PRC1: variants seen among roughly 807,000 people sequenced by gnomAD.
PRC1 encodes protein regulator of cytokinesis 1, also known as anaphase spindle elongation 1 homolog.
PRC1 carries 54 observed loss-of-function variants against 91.2 expected under a neutral mutation model. That is an observed-to-expected ratio of 0.59 (90% CI 0.48 to 0.74). PRC1 has a LOEUF of 0.74. Ranked by LOEUF, PRC1 falls within the 30% of genes least tolerant of loss-of-function variation. The probability of loss-of-function intolerance (pLI) is 0.00; values close to 1 mark genes in which losing one functional copy is unlikely to be tolerated. For missense variants in PRC1, 727 were observed against 746.2 expected (o/e 0.97, Z 0.30); for synonymous variants, 275 against 263.6 (o/e 1.04, Z -0.42).
chr15:90,981,121 AGAG>A, intron 5 of PRC1, 88 bp from the exon 6 acceptor site: 1 of 1,539,656 alleles, frequency 6.5e-7, no homozygotes, highest in Non-Finnish European at 8.8e-7. Flanking sequence ...TGTCTGGAGT[AGAG>A]GAGGAGGCAC....
intron 8 of PRC1, among the ~76,000 whole-genome samples, chr15:90,977,878 A>T (rs2038868473): frequency 6.6e-6 from 1 of 151,994 alleles, no homozygotes; most frequent in Non-Finnish European, 1.5e-5. Context: ...GAGCCACCAC[A>T]CACACCTGGC....
Position 90,981,968 on chromosome 15 carries a change from G to A in PRC1, c.281C>T (p.Thr94Met), listed in dbSNP as rs1232552039. Residue 94 changes from threonine to methionine, a missense_variant, in exon 4 of 15, where the codon ACG becomes ATG. Coordinates refer to ENST00000394249, the MANE Select transcript of PRC1 (RefSeq NM_003981.4). ...ATCTTTTTCTAGTTGCAAGATGGTC[G>A]TCTCTCCTTCTTCCTGAATAAGACA... ...HVEPFQEEGE[T>M]TILQLEKDLR... The A allele has an allele frequency of 1.2e-6, 2 of 1,613,782 alleles. No individual in the cohort carries two copies. Among genetic ancestry groups the A allele is most frequent in the Non-Finnish European group, 1.7e-6 (2 of 1,179,800 alleles).
rs988518496 is a variant in PRC1 at position 90,974,896 on chromosome 15, C to T, written c.1204-165G>A. ...AGGTCAGAGTGACCAGAAATCAAAG[C>T]CCGGAGACATTTCATTCACACAACA... On this transcript the variant is annotated intron_variant, in intron 9 of 14. Coordinates refer to ENST00000394249, the MANE Select transcript of PRC1 (RefSeq NM_003981.4). The surrounding 1 kb of genome is among the most constrained non-coding windows in gnomAD (Gnocchi z 4.6). Among the ~76,000 whole-genome samples the T allele has an allele frequency of 6.6e-5, 10 of 152,156 alleles. No individual in the cohort carries two copies. The highest frequency in any genetic ancestry group is 5.9e-4 in the Admixed American group (9 of 15,270).
intron 7 of PRC1, 83 bp from the exon 8 acceptor site, chr15:90,979,377 G>A (rs2039000295): frequency 7.0e-7 from 1 of 1,429,612 alleles, no homozygotes; most frequent in Admixed American, 2.0e-5. Flanking sequence ...TCCCTAAAAT[G>A]GAAATAGATT....
chr15:90,982,462 T>C (rs1327644700), intron 3 of PRC1, among the ~76,000 whole-genome samples: 2 of 152,088 alleles, frequency 1.3e-5, no homozygotes, highest in South Asian at 2.1e-4. Flanking sequence ...AATGTGTAAA[T>C]TGGCAGCCAG....
Position 90,968,835 on chromosome 15 carries a change from A to G in PRC1, c.1791+244T>C, listed in dbSNP as rs181159712. 8.6e-5 allele frequency: 113 copies of G among 1,321,298 alleles called. No homozygotes were observed. In the African/African-American group the frequency reaches 1.6e-3, roughly 18 times the overall value. The allele number at this position is 1,321,298 out of a possible 1,614,324, so 81.8% of individuals were successfully genotyped here. ...GGGGAGGGTCAAGGTTTTCTGTTAA[A>G]CGTGATTTAAAACTGTGCCTGACTT... On this transcript the variant is annotated intron_variant, in intron 14 of 14. Transcript: ENST00000394249.
rs1377435613 is a variant in PRC1 at position 90,974,025 on chromosome 15, CTG to C, written c.1461+109_1461+110del. The C allele has an allele frequency of 1.2e-6, 1 of 847,026 alleles. No individual in the cohort carries two copies. Among genetic ancestry groups the C allele is most frequent in the African/African-American group, 1.7e-5 (1 of 59,096 alleles). 52.5% of individuals were successfully genotyped at this position (847,026 alleles called of 1,614,324 possible). A position where few individuals can be genotyped will look rare whatever the true frequency, so the allele number is the denominator to read the frequency against. ...TTCTTTTCTCTGTCTCTTGTCCCACCTGATGAGAAATACCCACAGGTGTGGAG... is the reference window on the plus strand; with the variant it reads ...TTCTTTTCTCTGTCTCTTGTCCCACCATGAGAAATACCCACAGGTGTGGAG... On this transcript the variant is annotated intron_variant, in intron 11 of 14. Coordinates refer to ENST00000394249, the MANE Select transcript of PRC1 (RefSeq NM_003981.4). This position sits in a 1 kb window ranked among gnomAD's most constrained non-coding sequence, Gnocchi z 4.6.
At chr15:90,968,910 T>C in intron 14 of PRC1, 169 bp downstream of exon 14, 1 of 1,430,530 alleles carries the variant, frequency 7.0e-7, no homozygotes, top group Non-Finnish European at 9.2e-7. Context: ...TTAATTAATC[T>C]GTTGTGAATG....
rs1309628593 is a variant in PRC1, at chr15:90,984,946, A to G, written c.12-121T>C. The G allele has an allele frequency of 4.7e-6, 6 of 1,274,180 alleles. No individual in the cohort carries two copies. The highest frequency in any genetic ancestry group is 6.5e-6 in the Non-Finnish European group (6 of 921,942). 78.9% of individuals were successfully genotyped at this position (1,274,180 alleles called of 1,614,324 possible). A position where few individuals can be genotyped will look rare whatever the true frequency, so the allele number is the denominator to read the frequency against. ...GGCCTCGAGAAAAAAACAAATTGAA[A>G]ACAAGCATTCAGCTTAATTCACCTT... On this transcript the variant is annotated intron_variant, in intron 1 of 14. Coordinates refer to ENST00000394249, the MANE Select transcript of PRC1 (RefSeq NM_003981.4). The surrounding 1 kb of genome is among the most constrained non-coding windows in gnomAD (Gnocchi z 5.1).
intron 14 of PRC1, 125 bp downstream of exon 14, chr15:90,968,954 G>T: frequency 6.6e-7 from 1 of 1,523,704 alleles, no homozygotes; most frequent in Non-Finnish European, 8.8e-7. Context: ...TCCATGATAG[G>T]AATTCCTGCT....
At chr15:90,983,499 G>A (rs910828947) in intron 3 of PRC1, among the ~76,000 whole-genome samples, 1 of 152,178 alleles carries the variant, frequency 6.6e-6, no homozygotes, top group African/African-American at 2.4e-5. Flanking sequence ...CCAGATGGAT[G>A]TCATGGCATG....
Position 90,974,652 on chromosome 15 carries a change from A to G in PRC1, c.1283T>C (p.Phe428Ser), listed in dbSNP as rs1176873868. ...SKAFMVNGQK[F>S]MEYVAEQWEM... ...CCATTGTTCTGCCACATACTCCATG[A>G]ATTTCTGCCCATTCACCATAAATGC... is the stretch of plus-strand genomic sequence containing the variant. The change falls in exon 10 of 15, where the codon TTC (phenylalanine) becomes TCC (serine). Residue 428 changes from phenylalanine (F) to serine (S), a missense_variant. By Grantham distance (155) the Phe-to-Ser change is radical. Coordinates refer to ENST00000394249, the MANE Select transcript of PRC1 (RefSeq NM_003981.4). This position sits in a 1 kb window ranked among gnomAD's most constrained non-coding sequence, Gnocchi z 4.6. The G allele has an allele frequency of 5.4e-5, 87 of 1,614,070 alleles. No individual in the cohort carries two copies. The highest frequency in any genetic ancestry group is 6.9e-5 in the Non-Finnish European group (82 of 1,180,038).
At chr15:90,968,454 A>C (rs144254909) in intron 14 of PRC1, 13,859 of 985,530 alleles carry the variant, frequency 0.014, 112 homozygotes, top group Non-Finnish European at 0.015. Flanking sequence ...TGCTAGTAAA[A>C]TATTGAGAGA....
At chr15:90,985,574 T>C (rs2039516997) in intron 1 of PRC1, among the ~76,000 whole-genome samples, 1 of 151,028 alleles carries the variant, frequency 6.6e-6, no homozygotes, top group African/African-American at 2.4e-5. Context: ...CTTTTTTTTT[T>C]TTGAGACAGA....
rs78996369 is a variant in PRC1, at chr15:90,987,068, G to C, written c.12-2243C>G. ...GCAGGAAAACTGTTTGAGCCCAGGA[G>C]TTTCAGATCATTCTGGGCAACATAG... is the stretch of plus-strand genomic sequence containing the variant. On this transcript the variant is annotated intron_variant, in intron 1 of 14. Coordinates refer to ENST00000394249, the MANE Select transcript of PRC1 (RefSeq NM_003981.4). Among the ~76,000 whole-genome samples, 850 of 146,104 alleles carry C rather than the reference G, an allele frequency of 5.8e-3. 16 individuals are homozygous for C. The highest frequency in any genetic ancestry group is 0.021 in the African/African-American group (807 of 39,132).
intron 14 of PRC1, chr15:90,968,467 A>T: frequency 2.0e-6 from 2 of 985,650 alleles, no homozygotes; most frequent in Non-Finnish European, 2.4e-6. Flanking sequence ...TTGAGAGAAG[A>T]AATCACAGAT....
chr15:90,967,259 C>T (rs1184110886), intron 14 of PRC1, 57 bp from the exon 15 acceptor site: 10 of 1,458,960 alleles, frequency 6.9e-6, no homozygotes, highest in Non-Finnish European at 9.6e-6. Flanking sequence ...CATGGCCCAC[C>T]CTTCTAAGTT....
Position 90,969,643 on chromosome 15 carries a change from A to T in PRC1, c.1573-20T>A, listed in dbSNP as rs1353278100. ...GACTGGCTGCAGAGAAAGGAAAGAGATCCATGTATCATCCTTCTAATGAAC... is the reference window on the plus strand; with the variant it reads ...GACTGGCTGCAGAGAAAGGAAAGAGTTCCATGTATCATCCTTCTAATGAAC... On this transcript the variant is annotated intron_variant, in intron 12 of 14. Coordinates refer to ENST00000394249, the MANE Select transcript of PRC1 (RefSeq NM_003981.4). The T allele has an allele frequency of 6.4e-7, 1 of 1,572,544 alleles. No individual in the cohort carries two copies. The highest frequency in any genetic ancestry group is 8.6e-7 in the Non-Finnish European group (1 of 1,156,566).
In PRC1 at chr15:90,974,542, C is replaced by T; in HGVS notation, c.1350+43G>A. 2 of 1,606,912 alleles carry T rather than the reference C, an allele frequency of 1.2e-6. No individual in the cohort carries two copies. Among genetic ancestry groups the T allele is most frequent in the Non-Finnish European group, 1.7e-6 (2 of 1,179,268 alleles). ...CAGAGACTATGGGCTGCTCAGATTA[C>T]TTTCTTCGTCTTTTCCCAATTTGCG... On this transcript the variant is annotated intron_variant, in intron 10 of 14. Transcript: ENST00000394249. This position sits in a 1 kb window ranked among gnomAD's most constrained non-coding sequence, Gnocchi z 4.6.
Sources: allele counts gnomAD v4.1 joint callset (sites outside exome capture counted in the v4.1 genomes callset), GRCh38; gene constraint gnomAD v4.1.1; non-coding constraint Gnocchi (gnomAD v3.1); transcripts MANE v1.5; gene names NCBI Gene and HGNC (gene_info 2026-07-23, HGNC 2026-07-21).